The following BID variants were observed in gnomAD, a reference collection of about 807,000 sequenced individuals.
BID encodes BH3-interacting domain death agonist.
Under a neutral mutation model 17.4 loss-of-function variants are expected in BID, and 19 were observed. The ratio of observed to expected loss-of-function variants is 1.09; its 90% CI spans 0.76 to 1.60. The LOEUF (loss-of-function observed/expected upper bound fraction) is 1.60. Among genes scored for constraint, BID ranks in the 40% most tolerant of loss-of-function variants. BID has a pLI of 0.00. For missense variants in BID, 226 were observed against 256.0 expected, an observed-to-expected ratio of 0.88 and a Z score of 0.80; for synonymous variants, 108 against 102.8, an observed-to-expected ratio of 1.05 and a Z score of -0.31.
intron 1 of BID, among the ~76,000 whole-genome samples, chr22:17,757,065 C>T (rs2061596654): frequency 6.6e-6 from 1 of 152,070 alleles, no homozygotes; most frequent in Non-Finnish European, 1.5e-5. Context: ...CTTAGATTGC[C>T]CTTGAACACC....
chr22:17,734,648 T>A lies in BID; in HGVS notation c.*932A>T, dbSNP rs1475224401. ...CCAACTGCTCTTTCATCTTTTATGC[T>A]TAGAAACCTGTTCTCTCCAGATGCA... On this transcript the variant is annotated 3_prime_UTR_variant, in exon 6 of 6. Coordinates refer to ENST00000622694, the MANE Select transcript of BID (RefSeq NM_001196.4). The A allele has an allele frequency of 6.6e-6, 1 of 152,244 alleles. No homozygotes were observed. The highest frequency in any genetic ancestry group is 2.4e-5 in the African/African-American group (1 of 41,450). The allele number at this position is 152,244 out of a possible 1,614,324, so 9.4% of individuals were successfully genotyped here. A position where few individuals can be genotyped will look rare whatever the true frequency, so the allele number is the denominator to read the frequency against.
chr22:17,768,054 T>C (rs1445235211), intron 1 of BID, among the ~76,000 whole-genome samples: 1 of 152,208 alleles, frequency 6.6e-6, no homozygotes, highest in Admixed American at 6.5e-5. Context: ...TGTGATTCCA[T>C]TAGTATGAAA....
At chr22:17,741,738 A>T (rs1026653442) in intron 3 of BID, among the ~76,000 whole-genome samples, 1 of 152,080 alleles carries the variant, frequency 6.6e-6, no homozygotes, top group Non-Finnish European at 1.5e-5. Context: ...GGCCTCCCAA[A>T]GTGCTGGGAT....
At chr22:17,758,220 G>A (rs1183914841) in intron 1 of BID, among the ~76,000 whole-genome samples, 1 of 152,134 alleles carries the variant, frequency 6.6e-6, no homozygotes, top group African/African-American at 2.4e-5. Flanking sequence ...TGTGAGCTGG[G>A]GCCGAGCTAC....
chr22:17,759,666 TG>T (rs1358569275), intron 1 of BID, among the ~76,000 whole-genome samples: 1 of 152,208 alleles, frequency 6.6e-6, no homozygotes, highest in Non-Finnish European at 1.5e-5. Flanking sequence ...AAGGCCAGCC[TG>T]GGCAACATAG....
chr22:17,753,116 A>G (rs8139388), intron 1 of BID, among the ~76,000 whole-genome samples: 335 of 140,948 alleles, frequency 2.4e-3, no homozygotes, highest in African/African-American at 7.8e-3. Flanking sequence ...ACAGGCGCCC[A>G]CCACCACGCC....
At chr22:17,744,486 G>A (rs969358818) in intron 2 of BID, among the ~76,000 whole-genome samples, 2 of 152,226 alleles carry the variant, frequency 1.3e-5, no homozygotes, top group African/African-American at 2.4e-5. Flanking sequence ...TCTCCTTCAC[G>A]GGCTCAGGAG....
At chr22:17,761,501 G>A (rs1440484392) in intron 1 of BID, among the ~76,000 whole-genome samples, 1 of 145,922 alleles carries the variant, frequency 6.9e-6, no homozygotes, top group Non-Finnish European at 1.5e-5. Context: ...GCGTGATCTT[G>A]GCTCACTGCA....
intron 3 of BID, chr22:17,740,427 A>G (rs1258514283): frequency 4.7e-6 from 2 of 426,448 alleles, no homozygotes; most frequent in East Asian, 4.2e-5. Flanking sequence ...TGCCTCTACA[A>G]GAAACTTTTT....
intron 1 of BID, among the ~76,000 whole-genome samples, chr22:17,754,502 T>G (rs2061566958): frequency 6.6e-6 from 1 of 152,234 alleles, no homozygotes; most frequent in African/African-American, 2.4e-5. Flanking sequence ...CAGCTTTGCT[T>G]CTGAGGCCTA....
chr22:17,774,404 G>A lies in BID; in HGVS notation c.-82C>T. Reference sequence around the variant, plus strand: ...ACCACCCTCCAGCCGCGGGGGCGCGGGCGCGTCCGGGCCGAGGCAGCGTCT... The same window carrying A: ...ACCACCCTCCAGCCGCGGGGGCGCGAGCGCGTCCGGGCCGAGGCAGCGTCT... On this transcript the variant is annotated 5_prime_UTR_variant, in exon 1 of 6. Transcript: ENST00000622694. 4.0e-6 allele frequency: 1 copy of A among 249,704 alleles called. No homozygotes were observed. Among genetic ancestry groups the A allele is most frequent in the Non-Finnish European group, 8.7e-6 (1 of 115,592 alleles). The allele number at this position is 249,704 out of a possible 1,614,324, so 15.5% of individuals were successfully genotyped here.
At chr22:17,746,961 T>G (rs1203054564) in intron 2 of BID, among the ~76,000 whole-genome samples, 1 of 152,248 alleles carries the variant, frequency 6.6e-6, no homozygotes, top group Non-Finnish European at 1.5e-5. Flanking sequence ...GACTTCTTTT[T>G]GACCTGCGCT....
At chr22:17,740,337 G>A (rs1442704342) in intron 3 of BID, 1 of 661,766 alleles carries the variant, frequency 1.5e-6, no homozygotes, top group East Asian at 2.8e-5. Context: ...GCTTTGGGAG[G>A]CTGAGGACAG....
At chr22:17,772,873 C>T (rs1471319173) in intron 1 of BID, among the ~76,000 whole-genome samples, 1 of 152,140 alleles carries the variant, frequency 6.6e-6, no homozygotes, top group South Asian at 2.1e-4. Flanking sequence ...GGCCATGCCC[C>T]GCTTCCCTCT....
chr22:17,743,273 G>A (rs2061473238), intron 3 of BID, among the ~76,000 whole-genome samples: 1 of 152,258 alleles, frequency 6.6e-6, no homozygotes, highest in Admixed American at 6.5e-5. Context: ...AGCCAGGCCT[G>A]CTTGGGGAGG....
chr22:17,768,733 A>C (rs573869393), intron 1 of BID, among the ~76,000 whole-genome samples: 1 of 152,152 alleles, frequency 6.6e-6, no homozygotes, highest in Non-Finnish European at 1.5e-5. Flanking sequence ...ATTAGCCGGC[A>C]TGGTGGTGGG....
chr22:17,756,388 CTCTT>C (rs71691847), intron 1 of BID, among the ~76,000 whole-genome samples: 10 of 140,914 alleles, frequency 7.1e-5, no homozygotes, highest in South Asian at 6.9e-4. Context: ...TCTTTCTGTT[CTCTT>C]TCTTTCTTTT....
chr22:17,744,085 T>C, intron 2 of BID, 72 bp from the exon 3 acceptor site: 1 of 1,388,440 alleles, frequency 7.2e-7, no homozygotes, highest in South Asian at 1.2e-5. Flanking sequence ...AGAGCTCCAG[T>C]TGCAGCTGGC....
intron 1 of BID, among the ~76,000 whole-genome samples, chr22:17,770,479 G>A (rs1199525274): frequency 6.6e-6 from 1 of 152,206 alleles, no homozygotes; most frequent in Non-Finnish European, 1.5e-5. Flanking sequence ...CGGACCCAGG[G>A]TTGTAGTCAC....
Sources: allele counts gnomAD v4.1 joint callset (sites outside exome capture counted in the v4.1 genomes callset), GRCh38; gene constraint gnomAD v4.1.1; transcripts MANE v1.5; gene names NCBI Gene and HGNC (gene_info 2026-07-23, HGNC 2026-07-21).